TBC1D12: variants seen among roughly 807,000 people sequenced by gnomAD.
TBC1D12 encodes the protein TBC1 domain family, member 12.
Under a neutral mutation model 86.7 loss-of-function variants are expected in TBC1D12, and 56 were observed. The observed-to-expected ratio is 0.65, with a 90% CI of 0.52 to 0.81. TBC1D12 has a LOEUF of 0.81. TBC1D12 is among the 30% of genes least tolerant of loss of function. The probability of loss-of-function intolerance (pLI) is 0.00; values close to 1 mark genes in which losing one functional copy is unlikely to be tolerated. For synonymous variants in TBC1D12, 421 were observed against 411.7 expected (o/e 1.02, Z -0.27); for missense variants, 1,023 against 1,038.8 (o/e 0.98, Z 0.21).
chr10:94,526,756 T>C lies in TBC1D12; in HGVS notation c.2000+4303T>C, dbSNP rs180961005. ...ATTCCTTTGGGTATATACCCAGTAG[T>C]GTCATTGCTGGATCATATGGTCGTT... On this transcript the variant is annotated intron_variant, in intron 11 of 12. Coordinates refer to ENST00000225235, the MANE Select transcript of TBC1D12 (RefSeq NM_015188.2). 1.3e-3 allele frequency among the ~76,000 whole-genome samples: 191 copies of C among 152,316 alleles called. 1 individual carries two copies. Among genetic ancestry groups the C allele is most frequent in the Non-Finnish European group, 1.5e-3 (102 of 68,018 alleles).
intron 2 of TBC1D12, among the ~76,000 whole-genome samples, chr10:94,467,739 T>G (rs940897299): frequency 6.6e-6 from 1 of 152,116 alleles, no homozygotes; most frequent in Non-Finnish European, 1.5e-5. Flanking sequence ...GCACTGACAG[T>G]TTTTGTTTTT....
At chr10:94,514,190 A>G (rs1198518617) in intron 9 of TBC1D12, among the ~76,000 whole-genome samples, 1 of 152,130 alleles carries the variant, frequency 6.6e-6, no homozygotes, top group East Asian at 1.9e-4. Context: ...AGCCTGAGCA[A>G]CACAGTGAGA....
intron 1 of TBC1D12, among the ~76,000 whole-genome samples, chr10:94,427,833 CAAAAA>C (rs71031576): frequency 7.5e-5 from 5 of 67,050 alleles, no homozygotes; most frequent in East Asian, 4.6e-4. Flanking sequence ...CCCTGTCTCA[CAAAAA>C]AAAAAAAAAA....
In TBC1D12 at chr10:94,521,972, C is replaced by T; in HGVS notation, c.1779C>T (p.Phe593=). The part of the protein sequence containing the change: ...PDVGYVQGMS[F]IAAVLILNLE... ...CTTTGAAGGTCCAAGGGATGTCCTT[C>T]ATTGCAGCAGTACTCATTCTCAATT... Residue 593 remains phenylalanine (F), a synonymous_variant, in exon 10 of 13, where the codon TTC becomes TTT. Coordinates refer to ENST00000225235, the MANE Select transcript of TBC1D12 (RefSeq NM_015188.2). The T allele has an allele frequency of 3.1e-6, 5 of 1,605,218 alleles. No individual in the cohort carries two copies. The highest frequency in any genetic ancestry group is 4.3e-6 in the Non-Finnish European group (5 of 1,174,120).
chr10:94,522,019 T>G lies in TBC1D12; in HGVS notation c.1826T>G (p.Ile609Ser), dbSNP rs1842165665. The G allele has an allele frequency of 3.1e-6, 5 of 1,612,786 alleles. No homozygotes were observed. Among genetic ancestry groups the G allele is most frequent in the Non-Finnish European group, 4.2e-6 (5 of 1,179,188 alleles). The change falls in exon 10 of 13, where the codon ATC (isoleucine) becomes AGC (serine). Residue 609 changes from isoleucine to serine, a missense_variant. This residue lies in a region of TBC1D12 where 395 missense variants were observed against 507.7 expected (regional missense o/e 0.78). Coordinates refer to ENST00000225235, the MANE Select transcript of TBC1D12 (RefSeq NM_015188.2). ...ILNLEEADAF[I>S]AFANLLNKPC... ...AATTTGGAAGAGGCAGATGCCTTTA[T>G]CGCATTTGCCAATCTCCTGAATAAG...
At position 94,522,221 on chromosome 10, in the gene TBC1D12, T is replaced by C. The variant is rs1360999939; in HGVS notation, c.1891-123T>C. 3.2e-6 allele frequency: 4 copies of C among 1,232,322 alleles called. No individual in the cohort carries two copies. In the East Asian group the frequency reaches 7.8e-5, roughly 24 times the overall value. The allele number at this position is 1,232,322 out of a possible 1,614,324, so 76.3% of individuals were successfully genotyped here. A position where few individuals can be genotyped will look rare whatever the true frequency, so the allele number is the denominator to read the frequency against. On this transcript the variant is annotated intron_variant, in intron 10 of 12. Transcript: ENST00000225235. ...TTATAGTTTATTAATGAATGTTTGC[T>C]GAGAAGACTCAGAAAAAGATGAGAT... is the stretch of plus-strand genomic sequence containing the variant.
At chr10:94,520,953 G>A (rs181615818) in intron 9 of TBC1D12, among the ~76,000 whole-genome samples, 203 of 152,252 alleles carry the variant, frequency 1.3e-3, no homozygotes, top group African/African-American at 4.8e-3. Context: ...GAGCCACTGC[G>A]CCTGGCCCAT....
At chr10:94,488,794 A>G (rs2056206238) in intron 3 of TBC1D12, among the ~76,000 whole-genome samples, 1 of 152,022 alleles carries the variant, frequency 6.6e-6, no homozygotes, top group Non-Finnish European at 1.5e-5. Context: ...TAGAAATGTC[A>G]TCCAGGAGCT....
chr10:94,490,064 A>T (rs927720850), intron 3 of TBC1D12, among the ~76,000 whole-genome samples: 1 of 152,160 alleles, frequency 6.6e-6, no homozygotes, highest in African/African-American at 2.4e-5. Context: ...CCTGACTAAC[A>T]TGGTGAAACT....
At chr10:94,468,961 CATT>C (rs538854222) in intron 2 of TBC1D12, among the ~76,000 whole-genome samples, 23 of 152,222 alleles carry the variant, frequency 1.5e-4, no homozygotes, top group Non-Finnish European at 2.9e-4. Flanking sequence ...TACTGGGTGA[CATT>C]AATCACAGAT....
At chr10:94,523,418 A>G (rs1056811065) in intron 11 of TBC1D12, among the ~76,000 whole-genome samples, 6 of 152,064 alleles carry the variant, frequency 3.9e-5, no homozygotes, top group African/African-American at 1.4e-4. Flanking sequence ...GGCTTATGAT[A>G]GTTATAATAG....
intron 1 of TBC1D12, among the ~76,000 whole-genome samples, chr10:94,439,446 T>C (rs1439532628): frequency 6.6e-6 from 1 of 152,148 alleles, no homozygotes; most frequent in Non-Finnish European, 1.5e-5. Context: ...TGGCACACTG[T>C]TGCTGGCAGG....
At chr10:94,465,884 G>GTATA (rs2055811045) in intron 2 of TBC1D12, among the ~76,000 whole-genome samples, 1 of 150,028 alleles carries the variant, frequency 6.7e-6, no homozygotes, top group Non-Finnish European at 1.5e-5. Context: ...ATACATGTAT[G>GTATA]TATATACATA....
chr10:94,514,878 C>A (rs1035912534), intron 9 of TBC1D12, among the ~76,000 whole-genome samples: 2 of 150,740 alleles, frequency 1.3e-5, no homozygotes, highest in African/African-American at 4.9e-5. Flanking sequence ...AATTTACATT[C>A]CTATAAACAG....
intron 2 of TBC1D12, among the ~76,000 whole-genome samples, chr10:94,445,188 G>T (rs936982929): frequency 2.6e-5 from 4 of 151,140 alleles, no homozygotes; most frequent in African/African-American, 9.7e-5. Context: ...GTGAAACCCC[G>T]TCTCTACTAA....
At chr10:94,419,320 A>G (rs1257863115) in intron 1 of TBC1D12, among the ~76,000 whole-genome samples, 1 of 152,186 alleles carries the variant, frequency 6.6e-6, no homozygotes, top group Non-Finnish European at 1.5e-5. Context: ...ATGATTCCAT[A>G]CTAAATAACA....
intron 1 of TBC1D12, among the ~76,000 whole-genome samples, chr10:94,437,520 GT>G (rs1341629811): frequency 6.6e-6 from 1 of 151,894 alleles, no homozygotes; most frequent in Non-Finnish European, 1.5e-5. Flanking sequence ...TAGAGATGGG[GT>G]TTCACCATGT....
intron 1 of TBC1D12, among the ~76,000 whole-genome samples, chr10:94,407,953 G>A (rs2054879517): frequency 6.6e-6 from 1 of 152,214 alleles, no homozygotes; most frequent in African/African-American, 2.4e-5. Flanking sequence ...GTGACAGAGT[G>A]AGACCATGTC....
Position 94,402,745 on chromosome 10 carries a change from C to T in TBC1D12, c.132C>T (p.Gly44=), listed in dbSNP as rs1000220420. The T allele has an allele frequency of 1.3e-6, 2 of 1,554,204 alleles. No individual in the cohort carries two copies. Among genetic ancestry groups the T allele is most frequent in the Admixed American group, 1.9e-5 (1 of 51,802 alleles). The change falls in exon 1 of 13, where the codon GGC becomes GGT. Residue 44 remains glycine (G), a synonymous_variant. Transcript: ENST00000225235. ...RATGGFGGGV[G]AVEPPEEADE... is the part of the protein sequence containing the mutation. Reference sequence around the variant, plus strand: ...CGGGCGGCTTTGGCGGAGGCGTCGGCGCTGTGGAGCCGCCGGAGGAGGCTG... The same window carrying T: ...CGGGCGGCTTTGGCGGAGGCGTCGGTGCTGTGGAGCCGCCGGAGGAGGCTG...
Sources: gnomAD v4.1 joint callset for allele counts (sites outside exome capture counted in the v4.1 genomes callset) on GRCh38, gnomAD v4.1.1 for gene constraint, gnomAD v4.1.1 regional missense constraint, MANE v1.5 for transcripts, NCBI Gene and HGNC (gene_info 2026-07-23, HGNC 2026-07-21) for gene names.